The following RAB22A variants were observed in gnomAD, a reference collection of about 807,000 sequenced individuals.
RAB22A encodes ras-related protein Rab-22A.
RAB22A carries 13 observed loss-of-function variants against 30.2 expected under a neutral mutation model. The observed-to-expected ratio is 0.43, with a 90% CI of 0.28 to 0.68. RAB22A has a LOEUF of 0.68. Ranked by LOEUF, RAB22A falls within the 30% of genes least tolerant of loss-of-function variation. The pLI is 0.18. For missense variants in RAB22A, 177 were observed against 246.8 expected (o/e 0.72, Z 1.89); for synonymous variants, 89 against 87.2 (o/e 1.02, Z -0.11).
chr20:58,343,880 C>A, intron 3 of RAB22A, 81 bp downstream of exon 3: 1 of 1,086,886 alleles, frequency 9.2e-7, no homozygotes, highest in South Asian at 1.3e-5. Context: ...CCTGTCATCT[C>A]ACGTTACTCA....
chr20:58,320,125 GTCTTC>G (rs1261231832), intron 2 of RAB22A, among the ~76,000 whole-genome samples: 2 of 152,150 alleles, frequency 1.3e-5, no homozygotes, highest in Admixed American at 6.5e-5. Flanking sequence ...GTTGAGGAAT[GTCTTC>G]TCTTCTACTT....
At chr20:58,338,652 A>G (rs1986801596) in intron 2 of RAB22A, among the ~76,000 whole-genome samples, 1 of 152,202 alleles carries the variant, frequency 6.6e-6, no homozygotes, top group Non-Finnish European at 1.5e-5. Flanking sequence ...ACTCTAACAT[A>G]AGCCAAATGT....
In RAB22A at chr20:58,312,550, G is replaced by A. The variant is rs191374312; in HGVS notation, c.116+1428G>A. On this transcript the variant is annotated intron_variant, in intron 2 of 6. Transcript: ENST00000244040. ...GTTGCCCAGGCTGGAGTGCAGTGGC[G>A]CGATCTTGGCTCACTGCAAGCTCCG... Among the ~76,000 whole-genome samples the A allele has an allele frequency of 1.6e-3, 198 of 120,158 alleles. 1 individual carries two copies. Among genetic ancestry groups the A allele is most frequent in the African/African-American group, 6.1e-3 (184 of 30,282 alleles). 78.8% of individuals were successfully genotyped at this position (120,158 alleles called of 152,430 possible).
chr20:58,351,468 C>G (rs1473985827), intron 3 of RAB22A, among the ~76,000 whole-genome samples: 2 of 151,908 alleles, frequency 1.3e-5, no homozygotes, highest in Non-Finnish European at 2.9e-5. Flanking sequence ...AAGAAAAATT[C>G]AAGCAATGCA....
At chr20:58,330,498 T>G (rs1331471766) in intron 2 of RAB22A, among the ~76,000 whole-genome samples, 1 of 152,186 alleles carries the variant, frequency 6.6e-6, no homozygotes, top group Non-Finnish European at 1.5e-5. Context: ...ATCTAGTAGT[T>G]TTTTATATTG....
intron 1 of RAB22A, 104 bp downstream of exon 1, chr20:58,310,116 A>G: frequency 9.0e-7 from 1 of 1,113,444 alleles, no homozygotes; most frequent in Non-Finnish European, 1.1e-6. Flanking sequence ...CACGTCCAAG[A>G]CGCTGTCTGC....
intron 6 of RAB22A, 111 bp from the exon 7 acceptor site, chr20:58,359,495 C>CTTTTTTTTT: frequency 3.1e-6 from 1 of 321,410 alleles, no homozygotes; most frequent in African/African-American, 2.4e-5. Context: ...GTTTATTAAA[C>CTTTTTTTTT]TTTTTTTTTT....
intron 2 of RAB22A, among the ~76,000 whole-genome samples, chr20:58,320,791 C>T (rs958484891): frequency 1.3e-5 from 2 of 152,138 alleles, no homozygotes; most frequent in South Asian, 2.1e-4. Flanking sequence ...TGCGGTGGTT[C>T]GCACCTATAA....
Position 58,359,693 on chromosome 20 carries a change from GCTGCTGCTGACCGAACCTCAGCCT to G in RAB22A, c.578_*16del. The stretch of plus-strand genomic sequence containing the variant: ...AGACAGCCTTCAGAGCCAAAGCGGA[GCTGCTGCTGACCGAACCTCAGCCT>G]CTCAGACTTGATGATGAAGTAGGTG... On this transcript the variant is annotated stop_lost and 3_prime_UTR_variant, in exon 7 of 7. Transcript: ENST00000244040. 1 of 1,609,728 alleles carries G rather than the reference GCTGCTGCTGACCGAACCTCAGCCT, an allele frequency of 6.2e-7. No homozygotes were observed. Among genetic ancestry groups the G allele is most frequent in the Non-Finnish European group, 8.5e-7 (1 of 1,176,300 alleles).
intron 3 of RAB22A, among the ~76,000 whole-genome samples, chr20:58,346,883 T>C (rs780957148): frequency 6.6e-6 from 1 of 152,238 alleles, no homozygotes; most frequent in African/African-American, 2.4e-5. Context: ...ACCTGTTTCC[T>C]TACCTGTCTG....
chr20:58,344,907 C>A (rs1986920420), intron 3 of RAB22A, among the ~76,000 whole-genome samples: 1 of 152,190 alleles, frequency 6.6e-6, no homozygotes, highest in Admixed American at 6.5e-5. Flanking sequence ...TCCCATTACT[C>A]ATCTAAGATA....
At position 58,340,963 on chromosome 20, in the gene RAB22A, T is replaced by TGAG. The variant is rs140440614; in HGVS notation, c.117-2754_117-2752dup. On this transcript the variant is annotated intron_variant, in intron 2 of 6. Transcript: ENST00000244040. ...GGGACAATTGAAAAGATTTGAGACT[T>TGAG]GAGACCAGTTTGATGACTGCAGTGG... Among the ~76,000 whole-genome samples the TGAG allele has an allele frequency of 9.3e-3, 1,416 of 152,132 alleles. 22 individuals carry two copies. Among genetic ancestry groups the TGAG allele is most frequent in the Middle Eastern group, 0.031 (9 of 294 alleles).
At chr20:58,336,224 C>G (rs995652706) in intron 2 of RAB22A, among the ~76,000 whole-genome samples, 1 of 152,146 alleles carries the variant, frequency 6.6e-6, no homozygotes, top group Non-Finnish European at 1.5e-5. Flanking sequence ...GTTGGCCAGG[C>G]TGGTCTCGTA....
rs1042922975 is a variant in RAB22A at position 58,321,559 on chromosome 20, C to T, written c.116+10437C>T. Among the ~76,000 whole-genome samples the T allele has an allele frequency of 2.6e-5, 4 of 152,184 alleles. No individual in the cohort carries two copies. In the East Asian group the frequency reaches 7.7e-4, roughly 29 times the overall value. Reference sequence around the variant, plus strand: ...TTAATTAGCTCATTTAATAGCACTGCTCCTATCTCCAGTGTTTTTACTAAC... The same window carrying T: ...TTAATTAGCTCATTTAATAGCACTGTTCCTATCTCCAGTGTTTTTACTAAC... On this transcript the variant is annotated intron_variant, in intron 2 of 6. Coordinates refer to ENST00000244040, the MANE Select transcript of RAB22A (RefSeq NM_020673.3).
In RAB22A at chr20:58,317,691, TG is replaced by T. The variant is rs1331773170; in HGVS notation, c.116+6572del. Among the ~76,000 whole-genome samples, 13 of 151,492 alleles carry T rather than the reference TG, an allele frequency of 8.6e-5. No homozygotes were observed. The East Asian group carries it at 1.4e-3, about 16-fold the overall frequency. ...CTCCTGCCTCAGCCTCCCGAGTAGCTGGGACTACAGGCACCCGCCACCACGC... is the reference window on the plus strand; with the variant it reads ...CTCCTGCCTCAGCCTCCCGAGTAGCTGGACTACAGGCACCCGCCACCACGC... On this transcript the variant is annotated intron_variant, in intron 2 of 6. Transcript: ENST00000244040.
chr20:58,341,045 G>A (rs1986845892), intron 2 of RAB22A, among the ~76,000 whole-genome samples: 1 of 152,184 alleles, frequency 6.6e-6, no homozygotes, highest in South Asian at 2.1e-4. Context: ...ATGAGCCAAA[G>A]AAAAGACATC....
At chr20:58,344,413 G>A (rs951205793) in intron 3 of RAB22A, among the ~76,000 whole-genome samples, 2 of 152,186 alleles carry the variant, frequency 1.3e-5, no homozygotes, top group African/African-American at 4.8e-5. Context: ...GGAAGGCAGG[G>A]ATGGGGACAA....
At chr20:58,352,661 G>C (rs1199213035) in intron 3 of RAB22A, among the ~76,000 whole-genome samples, 1 of 152,212 alleles carries the variant, frequency 6.6e-6, no homozygotes, top group Non-Finnish European at 1.5e-5. Flanking sequence ...GTGGAGGCCA[G>C]GGTGACCAGG....
chr20:58,366,300 TAACAA>T lies in RAB22A; in HGVS notation c.*6598_*6602del, dbSNP rs1228242962. On this transcript the variant is annotated 3_prime_UTR_variant, in exon 7 of 7. Coordinates refer to ENST00000244040, the MANE Select transcript of RAB22A (RefSeq NM_020673.3). Reference sequence around the variant, plus strand: ...TCACCCCCTCCAGCTGGGGCTTTTCTAACAAGCACAGTCAGAAATGCGCAGGCCTG... The same window carrying T: ...TCACCCCCTCCAGCTGGGGCTTTTCTGCACAGTCAGAAATGCGCAGGCCTG... 1 of 152,162 alleles carries T rather than the reference TAACAA, an allele frequency of 6.6e-6. No individual in the cohort carries two copies. The highest frequency in any genetic ancestry group is 1.5e-5 in the Non-Finnish European group (1 of 68,046). 9.4% of individuals were successfully genotyped at this position (152,162 alleles called of 1,614,324 possible).
Sources: gnomAD v4.1 joint callset for allele counts (sites outside exome capture counted in the v4.1 genomes callset) on GRCh38, gnomAD v4.1.1 for gene constraint, MANE v1.5 for transcripts, NCBI Gene and HGNC (gene_info 2026-07-23, HGNC 2026-07-21) for gene names.